Variants in PSME3IP1 observed in about 807,000 individuals in gnomAD.
PSME3IP1 encodes the protein proteasome activator subunit 3 interacting protein 1.
In PSME3IP1, 13 loss-of-function variants were observed where a neutral mutation model predicts 34.1. That is an observed-to-expected ratio of 0.38 (90% confidence interval 0.25 to 0.61). The LOEUF (loss-of-function observed/expected upper bound fraction) is 0.61. PSME3IP1 is among the 20% of genes least tolerant of loss of function. The pLI, the probability that PSME3IP1 is intolerant of heterozygous loss-of-function variation, is 0.60. For synonymous variants in PSME3IP1, 93 were observed against 114.3 expected (o/e 0.81, Z 1.19); for missense variants, 237 against 301.4 (o/e 0.79, Z 1.58).
chr16:57,171,090 A>C (rs977917790), intron 4 of PSME3IP1, among the ~76,000 whole-genome samples: 71 of 151,906 alleles, frequency 4.7e-4, no homozygotes, highest in African/African-American at 1.7e-3. Flanking sequence ...AAAAATTGAT[A>C]TTACCGACAG....
rs751327716 is a variant in PSME3IP1 at position 57,154,252 on chromosome 16, AC to A, written c.*37del. On this transcript the variant is annotated 3_prime_UTR_variant, in exon 7 of 7. Transcript: ENST00000309137. This position sits in a 1 kb window ranked among gnomAD's most constrained non-coding sequence, Gnocchi z 4.0. ...ATAGGCAGCATGAACGGTCCGATCT[AC>A]CCTTGGGGAGGAGCTCCCTGTGTAG... 5.0e-6 allele frequency: 8 copies of A among 1,592,276 alleles called. No homozygotes were observed. Among genetic ancestry groups the A allele is most frequent in the Non-Finnish European group, 6.9e-6 (8 of 1,161,146 alleles).
intron 5 of PSME3IP1, 96 bp from the exon 6 acceptor site, chr16:57,164,161 G>A: frequency 1.3e-5 from 13 of 1,037,770 alleles, no homozygotes. Context: ...ATGGGTCTTA[G>A]GCAGTCTCAA....
intron 4 of PSME3IP1, among the ~76,000 whole-genome samples, chr16:57,169,183 C>G (rs2072271265): frequency 6.6e-6 from 1 of 152,138 alleles, no homozygotes; most frequent in Admixed American, 6.5e-5. Context: ...AAACACACCT[C>G]AAAAATCTCA....
At chr16:57,161,534 C>T (rs1480509242) in intron 6 of PSME3IP1, among the ~76,000 whole-genome samples, 6 of 127,960 alleles carry the variant, frequency 4.7e-5, no homozygotes, top group African/African-American at 1.2e-4. Context: ...TTTTTTGAGA[C>T]GGAGTCTCCC....
At chr16:57,184,946 T>C (rs1022467104) in intron 1 of PSME3IP1, among the ~76,000 whole-genome samples, 1 of 152,230 alleles carries the variant, frequency 6.6e-6, no homozygotes, top group East Asian at 1.9e-4. Context: ...GTCTACCCAC[T>C]GATTCCCTTC....
intron 6 of PSME3IP1, among the ~76,000 whole-genome samples, chr16:57,161,878 G>A (rs560106383): frequency 3.1e-4 from 47 of 152,088 alleles, no homozygotes; most frequent in African/African-American, 1.1e-3. Context: ...CTTAATATTC[G>A]ATAATATTTG....
At position 57,153,967 on chromosome 16, in the gene PSME3IP1, C is replaced by T. The variant is rs577173204; in HGVS notation, c.*323G>A. The T allele has an allele frequency of 1.5e-5, 5 of 324,774 alleles. No homozygotes were observed. The East Asian group carries it at 3.3e-4, about 22-fold the overall frequency. The allele number at this position is 324,774 out of a possible 1,614,324, so 20.1% of individuals were successfully genotyped here. A position where few individuals can be genotyped will look rare whatever the true frequency, so the allele number is the denominator to read the frequency against. On this transcript the variant is annotated 3_prime_UTR_variant, in exon 7 of 7. Transcript: ENST00000309137. ...AAAACAGAAAGCAATAAAACCCAAA[C>T]CCTTTGGCAAGCCAGCCGGTGCCTA...
At chr16:57,158,352 C>T (rs1374986534) in intron 6 of PSME3IP1, among the ~76,000 whole-genome samples, 1 of 152,134 alleles carries the variant, frequency 6.6e-6, no homozygotes, top group African/African-American at 2.4e-5. Flanking sequence ...CTTTGGGAGA[C>T]TGGGGCGGGT....
chr16:57,163,991 T>A lies in PSME3IP1; in HGVS notation c.547+10A>T. ...CTGAGTACAAGGAAGTAATGAAGGC[T>A]GCCACCCACCTTGATTCTTGTCATC... On this transcript the variant is annotated intron_variant, in intron 6 of 6. Coordinates refer to ENST00000309137, the MANE Select transcript of PSME3IP1 (RefSeq NM_024946.4). 3 of 1,613,908 alleles carry A rather than the reference T, an allele frequency of 1.9e-6. No individual in the cohort carries two copies. Among genetic ancestry groups the A allele is most frequent in the Non-Finnish European group, 2.5e-6 (3 of 1,179,770 alleles).
In PSME3IP1 at chr16:57,174,696, G is replaced by C. The variant is rs965891028; in HGVS notation, c.-15-827C>G. The C allele has an allele frequency of 4.1e-6, 4 of 985,302 alleles. No homozygotes were observed. In the African/African-American group the frequency reaches 7.0e-5, roughly 17 times the overall value. The allele number at this position is 985,302 out of a possible 1,614,324, so 61.0% of individuals were successfully genotyped here. On this transcript the variant is annotated intron_variant, in intron 1 of 6. Transcript: ENST00000309137. ...TTAGTGTTCAAGTCCAGTCTGTATA[G>C]CAGGGAAGGTGCACAAACCATGAAT...
chr16:57,171,283 G>A (rs1191982772), intron 4 of PSME3IP1, among the ~76,000 whole-genome samples: 3 of 152,278 alleles, frequency 2.0e-5, no homozygotes, highest in East Asian at 3.9e-4. Context: ...AGGCCAGCAG[G>A]CTGCAGTACA....
At chr16:57,177,063 C>G (rs1407752761) in intron 1 of PSME3IP1, among the ~76,000 whole-genome samples, 1 of 152,100 alleles carries the variant, frequency 6.6e-6, no homozygotes, top group African/African-American at 2.4e-5. Flanking sequence ...TTATGTTGGC[C>G]AGGCTGGTCT....
chr16:57,168,271 A>G (rs1252785481), intron 4 of PSME3IP1, among the ~76,000 whole-genome samples: 1 of 152,196 alleles, frequency 6.6e-6, no homozygotes, highest in Non-Finnish European at 1.5e-5. Flanking sequence ...AAGGTTATTT[A>G]TCTACGTGTC....
rs572629065 is a variant in PSME3IP1 at position 57,153,995 on chromosome 16, C to T, written c.*295G>A. 2.6e-6 allele frequency: 1 copy of T among 381,896 alleles called. No homozygotes were observed. Among genetic ancestry groups the T allele is most frequent in the African/African-American group, 2.1e-5 (1 of 48,218 alleles). The allele number at this position is 381,896 out of a possible 1,614,324, so 23.7% of individuals were successfully genotyped here. A position where few individuals can be genotyped will look rare whatever the true frequency, so the allele number is the denominator to read the frequency against. The stretch of plus-strand genomic sequence containing the variant: ...TTTGGCAAGCCAGCCGGTGCCTATT[C>T]TCCTGGGGCATTTTTAGTGGAACTT... On this transcript the variant is annotated 3_prime_UTR_variant, in exon 7 of 7. Transcript: ENST00000309137.
Position 57,154,186 on chromosome 16 carries a change from G to C in PSME3IP1, c.*104C>G, listed in dbSNP as rs900520116. ...GTTAAAAATGTCATGTTGTACACAG[G>C]ATGCAGGCAAAGGAGTTTTTTTTTG... is the stretch of plus-strand genomic sequence containing the variant. On this transcript the variant is annotated 3_prime_UTR_variant, in exon 7 of 7. Transcript: ENST00000309137. The surrounding 1 kb of genome is among the most constrained non-coding windows in gnomAD (Gnocchi z 4.0). 1.1e-6 allele frequency: 1 copy of C among 875,228 alleles called. No individual in the cohort carries two copies. The highest frequency in any genetic ancestry group is 1.8e-6 in the Non-Finnish European group (1 of 555,198). 54.2% of individuals were successfully genotyped at this position (875,228 alleles called of 1,614,324 possible).
At chr16:57,165,265 A>G (rs2071734647) in intron 5 of PSME3IP1, among the ~76,000 whole-genome samples, 1 of 152,070 alleles carries the variant, frequency 6.6e-6, no homozygotes, top group South Asian at 2.1e-4. Context: ...GAGATTTAAA[A>G]AATACATTTC....
intron 1 of PSME3IP1, among the ~76,000 whole-genome samples, chr16:57,181,985 C>T (rs1285407693): frequency 2.6e-5 from 4 of 152,094 alleles, no homozygotes; most frequent in African/African-American, 7.2e-5. Flanking sequence ...AAACCAGTGA[C>T]GCTGGTGGTC....
At chr16:57,171,641 T>C (rs1287649388) in intron 4 of PSME3IP1, among the ~76,000 whole-genome samples, 3 of 152,156 alleles carry the variant, frequency 2.0e-5, no homozygotes, top group Admixed American at 6.5e-5. Flanking sequence ...CCTGGAGGCA[T>C]AGGACTACCA....
chr16:57,171,403 G>A (rs2072573788), intron 4 of PSME3IP1, among the ~76,000 whole-genome samples: 1 of 152,210 alleles, frequency 6.6e-6, no homozygotes, highest in African/African-American at 2.4e-5. Flanking sequence ...CTAAATGTAA[G>A]GGGAACCCAC....
Sources: gnomAD v4.1 joint callset for allele counts (sites outside exome capture counted in the v4.1 genomes callset) on GRCh38, gnomAD v4.1.1 for gene constraint, Gnocchi (gnomAD v3.1) non-coding constraint, MANE v1.5 for transcripts, NCBI Gene and HGNC (gene_info 2026-07-23, HGNC 2026-07-21) for gene names.